The following ARL6IP6 variants were observed in gnomAD, a reference collection of about 807,000 sequenced individuals.
ARL6IP6 encodes ARF like GTPase 6 interacting protein 6.
Under a neutral mutation model 21.5 loss-of-function variants are expected in ARL6IP6, and 22 were observed. The ratio of observed to expected loss-of-function variants is 1.02; its 90% CI spans 0.73 to 1.46. The LOEUF (loss-of-function observed/expected upper bound fraction) is 1.46. Ranked by LOEUF, ARL6IP6 falls within the 40% of genes most tolerant of loss-of-function variation. The pLI, the probability that ARL6IP6 is intolerant of heterozygous loss-of-function variation, is 0.00. For synonymous variants in ARL6IP6, 164 were observed against 125.3 expected (o/e 1.31, Z -2.06); for missense variants, 388 against 299.8 (o/e 1.29, Z -2.17).
upstream of ARL6IP6, chr2:152,718,106 C>A (rs1699280455): frequency 1.0e-6 from 1 of 983,706 alleles, no homozygotes; most frequent in Non-Finnish European, 1.2e-6. Flanking sequence ...GTTAAGGAAC[C>A]GCGAGAGCGC....
chr2:152,718,158 T>A, upstream of ARL6IP6: 1 of 759,020 alleles, frequency 1.3e-6, no homozygotes, highest in Non-Finnish European at 1.6e-6. Flanking sequence ...TGGAGAAGAG[T>A]GTGAGCGTAG....
At position 152,719,782 on chromosome 2, in the gene ARL6IP6, ACTTTGTTGTATG is replaced by A; in HGVS notation, c.401-750_401-739del. 12 of 323,020 alleles carry A rather than the reference ACTTTGTTGTATG, an allele frequency of 3.7e-5. No individual in the cohort carries two copies. The East Asian group carries it at 3.9e-4, about 11-fold the overall frequency. 20.0% of individuals were successfully genotyped at this position (323,020 alleles called of 1,614,324 possible). ...AAAAAAAAAAAAAAAAAACAAAAGA[ACTTTGTTGTATG>A]AAAAGCACCCAAAACATTGTCACTG... On this transcript the variant is annotated intron_variant, in intron 1 of 3. Coordinates refer to ENST00000326446, the MANE Select transcript of ARL6IP6 (RefSeq NM_152522.7).
Position 152,718,695 on chromosome 2 carries a change from C to G in ARL6IP6, c.71C>G (p.Ala24Gly), listed in dbSNP as rs1699413261. The change falls in exon 1 of 4, where the codon GCT becomes GGT. Residue 24 changes from alanine to glycine, a missense_variant. Transcript: ENST00000326446. ...GGTCCCGGCACCCCGGGCCCTGTGG[C>G]TCGGCCATCGTATTCCTCCTTTACT... ...RRGPGTPGPV[A>G]RPSYSSFTQG... 6.3e-7 allele frequency: 1 copy of G among 1,595,792 alleles called. No individual in the cohort carries two copies. The highest frequency in any genetic ancestry group is 1.3e-5 in the African/African-American group (1 of 74,458).
intron 3 of ARL6IP6, among the ~76,000 whole-genome samples, chr2:152,735,496 C>T (rs1700510377): frequency 6.6e-6 from 1 of 152,130 alleles, no homozygotes; most frequent in South Asian, 2.1e-4. Context: ...CTTACAAGAA[C>T]ATAATAATTG....
At chr2:152,718,490 C>T (rs1184904907), upstream of ARL6IP6, 2 of 1,309,710 alleles carry the variant, frequency 1.5e-6, no homozygotes, top group Admixed American at 2.9e-5. Context: ...CGCCGCCCAC[C>T]CTTGCTCTCC....
chr2:152,733,462 C>T (rs547863222), intron 2 of ARL6IP6, among the ~76,000 whole-genome samples: 2 of 152,184 alleles, frequency 1.3e-5, no homozygotes, highest in African/African-American at 4.8e-5. Flanking sequence ...GTGGTTTCAC[C>T]GTGTTGGCCA....
chr2:152,759,253 AG>A (rs1318614670), intron 3 of ARL6IP6, among the ~76,000 whole-genome samples: 1 of 152,224 alleles, frequency 6.6e-6, no homozygotes, highest in Non-Finnish European at 1.5e-5. Flanking sequence ...TTAGAATGAT[AG>A]CTGAAATATC....
intron 3 of ARL6IP6, among the ~76,000 whole-genome samples, chr2:152,740,690 T>A (rs902064679): frequency 1.3e-5 from 2 of 152,004 alleles, no homozygotes; most frequent in Admixed American, 6.6e-5. Flanking sequence ...TCCTAGCTAC[T>A]GGGAGGCTGA....
At chr2:152,757,737 A>G (rs754961274) in intron 3 of ARL6IP6, among the ~76,000 whole-genome samples, 1 of 152,228 alleles carries the variant, frequency 6.6e-6, no homozygotes, top group Non-Finnish European at 1.5e-5. Context: ...GTCTGTGACA[A>G]TTGCTACAGT....
At chr2:152,730,426 C>T (rs1256743249) in intron 2 of ARL6IP6, among the ~76,000 whole-genome samples, 1 of 152,138 alleles carries the variant, frequency 6.6e-6, no homozygotes, top group Non-Finnish European at 1.5e-5. Context: ...TTTGAGTAAA[C>T]TTGTCAATTA....
rs554799296 is a variant in ARL6IP6 at position 152,739,043 on chromosome 2, C to T, written c.587+3917C>T. Among the ~76,000 whole-genome samples the T allele has an allele frequency of 2.5e-4, 38 of 151,448 alleles. No individual in the cohort carries two copies. In the East Asian group the frequency reaches 6.0e-3, roughly 24 times the overall value. The stretch of plus-strand genomic sequence containing the variant: ...TGTCACCCAGGCTGGAGTGCAGTGG[C>T]GTGATCTTGGCTCACTGCAAGCTCC... On this transcript the variant is annotated intron_variant, in intron 3 of 3. Transcript: ENST00000326446.
At chr2:152,726,298 G>A (rs1700048387) in intron 2 of ARL6IP6, among the ~76,000 whole-genome samples, 1 of 152,170 alleles carries the variant, frequency 6.6e-6, no homozygotes, top group Non-Finnish European at 1.5e-5. Flanking sequence ...GCTACAGTCT[G>A]GGTTGCAGGT....
chr2:152,727,455 G>A (rs1700098059), intron 2 of ARL6IP6, among the ~76,000 whole-genome samples: 2 of 152,142 alleles, frequency 1.3e-5, no homozygotes. Context: ...TAACCTAAGT[G>A]TACAGTGTTT....
intron 2 of ARL6IP6, among the ~76,000 whole-genome samples, chr2:152,723,836 G>A (rs1402555770): frequency 6.6e-6 from 1 of 152,020 alleles, no homozygotes; most frequent in Non-Finnish European, 1.5e-5. Flanking sequence ...GTGGGAGGTG[G>A]CCCATTCTCT....
intron 2 of ARL6IP6, 41 bp downstream of exon 2, chr2:152,720,627 G>A (rs747174341): frequency 1.3e-5 from 20 of 1,556,222 alleles, no homozygotes; most frequent in Middle Eastern, 3.4e-4. Flanking sequence ...TTGAGCTCAC[G>A]TTTGTGTTTC....
chr2:152,723,518 T>G (rs1332537770), intron 2 of ARL6IP6, among the ~76,000 whole-genome samples: 2 of 152,214 alleles, frequency 1.3e-5, no homozygotes, highest in Non-Finnish European at 2.9e-5. Context: ...TGTTTGAAAG[T>G]AGGTTGGTTT....
chr2:152,727,746 T>G (rs1020209766), intron 2 of ARL6IP6, among the ~76,000 whole-genome samples: 4 of 152,094 alleles, frequency 2.6e-5, no homozygotes, highest in African/African-American at 9.7e-5. Context: ...ATTGGAATAA[T>G]AGGATATAAC....
Position 152,735,083 on chromosome 2 carries a change from C to T in ARL6IP6, c.544C>T (p.Pro182Ser), listed in dbSNP as rs1216629590. 3.7e-6 allele frequency: 6 copies of T among 1,613,490 alleles called. No homozygotes were observed. Among genetic ancestry groups the T allele is most frequent in the Non-Finnish European group, 5.1e-6 (6 of 1,179,670 alleles). Residue 182 changes from proline (P) to serine (S), a missense_variant, in exon 3 of 4, where the codon CCA (proline) becomes TCA (serine). Physicochemically the swap from Pro to Ser is moderately conservative, Grantham distance 74. Transcript: ENST00000326446. ...AGTGACTTACTTTGATTCTTTTGAACCAGGAATGTTTCCTCCTACTCCTCT... is the reference window on the plus strand; with the variant it reads ...AGTGACTTACTTTGATTCTTTTGAATCAGGAATGTTTCCTCCTACTCCTCT... ...WTVTYFDSFEPGMFPPTPLSP... is the reference protein window; with the variant it reads ...WTVTYFDSFESGMFPPTPLSP...
intron 3 of ARL6IP6, among the ~76,000 whole-genome samples, chr2:152,755,277 T>C (rs1204581551): frequency 6.6e-6 from 1 of 152,124 alleles, no homozygotes; most frequent in Non-Finnish European, 1.5e-5. Flanking sequence ...GGAAAACACC[T>C]GCTACTTAGC....
Sources: gnomAD v4.1 joint callset for allele counts (sites outside exome capture counted in the v4.1 genomes callset) on GRCh38, gnomAD v4.1.1 for gene constraint, MANE v1.5 for transcripts, NCBI Gene and HGNC (gene_info 2026-07-23, HGNC 2026-07-21) for gene names.